The following KLF8 variants were observed in gnomAD, a reference collection of about 807,000 sequenced individuals.
KLF8 encodes the protein KLF transcription factor 8.
KLF8 carries 10 observed loss-of-function variants against 18.2 expected under a neutral mutation model. The observed-to-expected ratio is 0.55, with a 90% confidence interval of 0.34 to 0.93. KLF8 has a LOEUF of 0.93. Among genes scored for constraint, KLF8 ranks in the 40% least tolerant of loss-of-function variants. KLF8 has a pLI of 0.02. For missense variants in KLF8, 264 were observed against 277.9 expected (o/e 0.95, Z 0.36); for synonymous variants, 109 against 97.3 (o/e 1.12, Z -0.71).
the KLF8 span, among the ~76,000 whole-genome samples, chrX:56,210,380 G>A: frequency 9.0e-6 from 1 of 111,677 alleles, no homozygotes; most frequent in Non-Finnish European, 1.9e-5. Context: ...TGGCCTTTAA[G>A]GTTTCCACTG....
At chrX:56,270,403 GCA>G in intron 5 of KLF8, 82 bp downstream of exon 5, 1 of 953,291 alleles carries the variant, frequency 1.0e-6, no homozygotes, top group Non-Finnish European at 1.4e-6. Context: ...AGAGAGAGGG[GCA>G]GAGAGAGAGA....
chrX:56,220,273 G>C, the KLF8 span, among the ~76,000 whole-genome samples: 1 of 111,626 alleles, frequency 9.0e-6, no homozygotes, highest in African/African-American at 3.3e-5. Flanking sequence ...CCTCAGAATA[G>C]CAACATCAGC....
At chrX:55,953,183 A>G in the KLF8 span, among the ~76,000 whole-genome samples, 1 of 111,606 alleles carries the variant, frequency 9.0e-6, no homozygotes, top group Non-Finnish European at 1.9e-5. Context: ...CTTGGAGCTC[A>G]CATTCTCGAG....
At chrX:56,154,789 G>T in the KLF8 span, among the ~76,000 whole-genome samples, 6 of 111,626 alleles carry the variant, frequency 5.4e-5, no homozygotes, top group African/African-American at 2.0e-4. Context: ...CAACAAGTGG[G>T]CAAAGGATAT....
chrX:56,014,817 G>GTTTTTTTTTTTTTTTTTTTTTTTTT, the KLF8 span: 1 of 59,369 alleles, frequency 1.7e-5, no homozygotes, highest in Non-Finnish European at 2.8e-5. Context: ...ACAAGATCAT[G>GTTTTTTTTTTTTTTTTTTTTTTTTT]TTTTTTTTTT....
At chrX:56,158,967 T>A in the KLF8 span, among the ~76,000 whole-genome samples, 2 of 111,828 alleles carry the variant, frequency 1.8e-5, no homozygotes, top group African/African-American at 3.3e-5. Flanking sequence ...CTTGTGCCAG[T>A]TTTCAAAGGG....
the KLF8 span, among the ~76,000 whole-genome samples, chrX:55,997,086 G>A: frequency 9.0e-6 from 1 of 111,676 alleles, no homozygotes; most frequent in East Asian, 2.8e-4. Context: ...AGAGTCTGCT[G>A]GTAAAGGAGC....
At chrX:55,999,432 G>A in the KLF8 span, among the ~76,000 whole-genome samples, 1 of 107,526 alleles carries the variant, frequency 9.3e-6, no homozygotes, top group Non-Finnish European at 1.9e-5. Flanking sequence ...TGGGCAGTAT[G>A]GTCATTTTCA....
At chrX:56,182,050 G>T in the KLF8 span, among the ~76,000 whole-genome samples, 1 of 111,805 alleles carries the variant, frequency 8.9e-6, no homozygotes, top group Admixed American at 9.5e-5. Flanking sequence ...CTATCCTGAA[G>T]AGTCTTTTCC....
At chrX:55,924,822 T>G in the KLF8 span, among the ~76,000 whole-genome samples, 1 of 78,633 alleles carries the variant, frequency 1.3e-5, no homozygotes, top group East Asian at 3.0e-4. Flanking sequence ...TCGTGGTGGT[T>G]TTTTTTTTGT....
chrX:56,063,024 A>G, the KLF8 span, among the ~76,000 whole-genome samples: 1 of 110,849 alleles, frequency 9.0e-6, no homozygotes, highest in African/African-American at 3.3e-5. Context: ...CAGGTCAGTT[A>G]TATTCTTCTC....
At chrX:56,019,146 G>A in the KLF8 span, among the ~76,000 whole-genome samples, 1 of 111,649 alleles carries the variant, frequency 9.0e-6, no homozygotes, top group African/African-American at 3.2e-5. Context: ...GAACTCATCA[G>A]CATTATAAAA....
At chrX:56,187,585 G>C in the KLF8 span, among the ~76,000 whole-genome samples, 3 of 111,605 alleles carry the variant, frequency 2.7e-5, no homozygotes, top group Non-Finnish European at 5.6e-5. Flanking sequence ...GAAAATTTTA[G>C]ACCAATATCC....
At chrX:56,268,677 C>G in intron 3 of KLF8, 1 of 776,007 alleles carries the variant, frequency 1.3e-6, no homozygotes, top group Non-Finnish European at 1.5e-6. Context: ...TAACCAAATA[C>G]TTGTTCCCCA....
At chrX:56,148,883 T>G in the KLF8 span, among the ~76,000 whole-genome samples, 1 of 111,740 alleles carries the variant, frequency 8.9e-6, no homozygotes, top group Non-Finnish European at 1.9e-5. Flanking sequence ...GAGATTTGGG[T>G]GGAGACACAG....
intron 5 of KLF8, among the ~76,000 whole-genome samples, chrX:56,273,353 A>G (rs1602462563): frequency 9.8e-6 from 1 of 101,727 alleles, no homozygotes; most frequent in African/African-American, 4.4e-5. Flanking sequence ...GTTATTTTAA[A>G]ATGTACAATT....
chrX:56,204,631 T>C, the KLF8 span, among the ~76,000 whole-genome samples: 1 of 111,330 alleles, frequency 9.0e-6, no homozygotes, highest in Non-Finnish European at 1.9e-5. Flanking sequence ...TTTTTTATCA[T>C]AAAGGGATGT....
At chrX:56,194,938 AG>A in the KLF8 span, among the ~76,000 whole-genome samples, 1 of 112,445 alleles carries the variant, frequency 8.9e-6, no homozygotes, top group Non-Finnish European at 1.9e-5. Flanking sequence ...CCAGGCAAAC[AG>A]GGTCTGGAGT....
chrX:56,058,514 G>A, the KLF8 span, among the ~76,000 whole-genome samples: 13 of 60,793 alleles, frequency 2.1e-4, no homozygotes, highest in African/African-American at 7.1e-4. Context: ...CACCCCCACC[G>A]CCAACAGGAC....
Sources: allele counts gnomAD v4.1 joint callset (sites outside exome capture counted in the v4.1 genomes callset), GRCh38; gene constraint gnomAD v4.1.1; transcripts MANE v1.5; gene names NCBI Gene and HGNC (gene_info 2026-07-23, HGNC 2026-07-21).